HDAC4: variants seen among roughly 807,000 people sequenced by gnomAD.
HDAC4 encodes the protein histone deacetylase 4, also known as histone deacetylase A.
A neutral mutation model predicts 135.1 loss-of-function variants in HDAC4; 16 were observed. The ratio of observed to expected loss-of-function variants is 0.12; its 90% CI spans 0.08 to 0.18. The LOEUF (loss-of-function observed/expected upper bound fraction) is 0.18. Ranked by LOEUF, HDAC4 falls within the 10% of genes least tolerant of loss-of-function variation. The pLI is 1.00. For missense variants in HDAC4, 1,143 were observed against 1,511.8 expected, an observed-to-expected ratio of 0.76 and a Z score of 4.05; for synonymous variants, 685 against 653.4, an observed-to-expected ratio of 1.05 and a Z score of -0.74.
At chr2:239,178,302 G>A (rs371623400) in intron 4 of HDAC4, among the ~76,000 whole-genome samples, 6 of 152,210 alleles carry the variant, frequency 3.9e-5, no homozygotes, top group South Asian at 2.1e-4. Context: ...ATAGGGTCTC[G>A]CTCTGTTGCC....
At chr2:239,190,993 G>C (rs1051736214) in intron 3 of HDAC4, 1 of 465,484 alleles carries the variant, frequency 2.1e-6, no homozygotes, top group South Asian at 1.5e-5. Flanking sequence ...AGCCAGCACT[G>C]CTCCTGGCAC....
chr2:239,348,184 C>T (rs1204676402), intron 2 of HDAC4, among the ~76,000 whole-genome samples: 6 of 142,098 alleles, frequency 4.2e-5, no homozygotes, highest in African/African-American at 1.3e-4. Context: ...ATCGAGAGCA[C>T]CATCCCGCTG....
chr2:239,375,442 C>T (rs766216732), intron 1 of HDAC4, among the ~76,000 whole-genome samples: 1 of 152,192 alleles, frequency 6.6e-6, no homozygotes, highest in South Asian at 2.1e-4. Flanking sequence ...CCAACCCCAC[C>T]GTGAGGATGT....
In HDAC4 at chr2:239,052,724, G is replaced by C. The variant is rs2031050538; in HGVS notation, c.*373C>G. The C allele has an allele frequency of 6.4e-6, 2 of 310,196 alleles. No homozygotes were observed. Among genetic ancestry groups the C allele is most frequent in the African/African-American group, 2.1e-5 (1 of 47,276 alleles). The allele number at this position is 310,196 out of a possible 1,614,324, so 19.2% of individuals were successfully genotyped here. ...GTTTGTTTTGTATTATTAGATCTTT[G>C]ATATTTGTTTTCTGTGCCTCGTGTC... On this transcript the variant is annotated 3_prime_UTR_variant, in exon 27 of 27. Coordinates refer to ENST00000543185, the MANE Select transcript of HDAC4 (RefSeq NM_001378414.1).
At chr2:239,070,601 T>G (rs1477113823) in intron 22 of HDAC4, among the ~76,000 whole-genome samples, 1 of 152,186 alleles carries the variant, frequency 6.6e-6, no homozygotes, top group Non-Finnish European at 1.5e-5. Flanking sequence ...TCACTCCCTC[T>G]GTGGGTGAGG....
rs1041289530 is a variant in HDAC4, at chr2:239,331,304, G to A, written c.22+21374C>T. On this transcript the variant is annotated intron_variant, in intron 2 of 26. Coordinates refer to ENST00000543185, the MANE Select transcript of HDAC4 (RefSeq NM_001378414.1). This position sits in a 1 kb window ranked among gnomAD's most constrained non-coding sequence, Gnocchi z 4.5. ...GCCACGAGAAGGAGGCAGGATGGGG[G>A]AGGGAAGACAAGCAGGAAGGGGTGG... 6.6e-5 allele frequency among the ~76,000 whole-genome samples: 10 copies of A among 152,224 alleles called. No individual in the cohort carries two copies. The highest frequency in any genetic ancestry group is 1.5e-4 in the Non-Finnish European group (10 of 68,018).
chr2:239,160,209 A>T (rs2042704027), intron 6 of HDAC4, among the ~76,000 whole-genome samples: 1 of 152,242 alleles, frequency 6.6e-6, no homozygotes. Context: ...GTATTCGATT[A>T]AACCATTATA....
At chr2:239,275,159 GC>G in intron 2 of HDAC4, among the ~76,000 whole-genome samples, 1 of 126,912 alleles carries the variant, frequency 7.9e-6, no homozygotes, top group East Asian at 2.3e-4. Context: ...AAGGGTGGGG[GC>G]CGGCCGGAAG....
rs2030906732 is a variant in HDAC4, at chr2:239,051,876, A to G, written c.*1221T>C. ...ATATATATATATACTTTTTCTATAAATGCATTATAAATATTTTATCAAGAT... is the reference window on the plus strand; with the variant it reads ...ATATATATATATACTTTTTCTATAAGTGCATTATAAATATTTTATCAAGAT... On this transcript the variant is annotated 3_prime_UTR_variant, in exon 27 of 27. Transcript: ENST00000543185. 2 of 151,484 alleles carry G rather than the reference A, an allele frequency of 1.3e-5. No individual in the cohort carries two copies. The highest frequency in any genetic ancestry group is 2.9e-5 in the Non-Finnish European group (2 of 67,924). 9.4% of individuals were successfully genotyped at this position (151,484 alleles called of 1,614,324 possible).
chr2:239,169,093 T>C (rs1468099590), intron 5 of HDAC4, among the ~76,000 whole-genome samples: 1 of 152,232 alleles, frequency 6.6e-6, no homozygotes, highest in Non-Finnish European at 1.5e-5. Flanking sequence ...TGGTAAACTC[T>C]GAGGAAGTAA....
At chr2:239,359,583 TG>T (rs1207642290) in intron 1 of HDAC4, among the ~76,000 whole-genome samples, 1 of 151,492 alleles carries the variant, frequency 6.6e-6, no homozygotes, top group African/African-American at 2.4e-5. Context: ...AGCTGGGGGG[TG>T]GGGGCTCCAG....
intron 4 of HDAC4, among the ~76,000 whole-genome samples, chr2:239,177,533 G>C (rs2043851881): frequency 6.6e-6 from 1 of 152,242 alleles, no homozygotes; most frequent in African/African-American, 2.4e-5. Flanking sequence ...AGCGGGTGGA[G>C]TGTCCGACCT....
chr2:239,052,961 G>A lies in HDAC4; in HGVS notation c.*136C>T. ...CCTGGGCGGCAGAAAGGCTTCCCGT[G>A]GCTGTTGCACGCTGGGTGTCCCTGG... On this transcript the variant is annotated 3_prime_UTR_variant, in exon 27 of 27. Coordinates refer to ENST00000543185, the MANE Select transcript of HDAC4 (RefSeq NM_001378414.1). The A allele has an allele frequency of 9.9e-7, 1 of 1,014,574 alleles. No individual in the cohort carries two copies. The highest frequency in any genetic ancestry group is 1.3e-5 in the South Asian group (1 of 78,160). 62.8% of individuals were successfully genotyped at this position (1,014,574 alleles called of 1,614,324 possible). A position where few individuals can be genotyped will look rare whatever the true frequency, so the allele number is the denominator to read the frequency against.
rs977874360 is a variant in HDAC4 at position 239,400,617 on chromosome 2, G to A, written c.-220+361C>T. 5 of 146,572 alleles carry A rather than the reference G, an allele frequency of 3.4e-5. No homozygotes were observed. The highest frequency in any genetic ancestry group is 1.2e-4 in the African/African-American group (5 of 40,764). The allele number at this position is 146,572 out of a possible 1,614,324, so 9.1% of individuals were successfully genotyped here. A position where few individuals can be genotyped will look rare whatever the true frequency, so the allele number is the denominator to read the frequency against. On this transcript the variant is annotated intron_variant, in intron 1 of 26. Coordinates refer to ENST00000543185, the MANE Select transcript of HDAC4 (RefSeq NM_001378414.1). The surrounding 1 kb of genome is among the most constrained non-coding windows in gnomAD (Gnocchi z 4.7). ...GGCGTCCACCTGCCGCGGGCTCCAA[G>A]GCCTGCAGGCTGCGCGGGGCGCGGG...
At chr2:239,116,015 C>G (rs1559458012) in intron 12 of HDAC4, among the ~76,000 whole-genome samples, 1 of 152,176 alleles carries the variant, frequency 6.6e-6, no homozygotes, top group Admixed American at 6.5e-5. Flanking sequence ...TCCTGTGGGA[C>G]TCCCTAGATG....
In HDAC4 at chr2:239,052,644, T is replaced by C. The variant is rs1034746234; in HGVS notation, c.*453A>G. On this transcript the variant is annotated 3_prime_UTR_variant, in exon 27 of 27. Coordinates refer to ENST00000543185, the MANE Select transcript of HDAC4 (RefSeq NM_001378414.1). ...AAGCTACAAGATGAGTCGAGTGGTT[T>C]ACACAGAGACTGTGGAGTTGTGGGT... 41 of 213,912 alleles carry C rather than the reference T, an allele frequency of 1.9e-4. No homozygotes were observed. The highest frequency in any genetic ancestry group is 9.4e-4 in the African/African-American group (41 of 43,626). The allele number at this position is 213,912 out of a possible 1,614,324, so 13.3% of individuals were successfully genotyped here. A position where few individuals can be genotyped will look rare whatever the true frequency, so the allele number is the denominator to read the frequency against.
intron 3 of HDAC4, among the ~76,000 whole-genome samples, chr2:239,208,565 C>T (rs553794847): frequency 3.0e-4 from 46 of 152,054 alleles, no homozygotes; most frequent in African/African-American, 1.1e-3. Flanking sequence ...ATGGTGAATC[C>T]TGAAAAAGCT....
chr2:239,171,019 A>G (rs909893311), intron 5 of HDAC4, among the ~76,000 whole-genome samples: 5 of 152,230 alleles, frequency 3.3e-5, no homozygotes, highest in Non-Finnish European at 7.3e-5. Context: ...GATGCTTAAG[A>G]AACTTGGCCA....
At chr2:239,179,082 G>A (rs1416878537) in intron 4 of HDAC4, among the ~76,000 whole-genome samples, 2 of 151,640 alleles carry the variant, frequency 1.3e-5, no homozygotes, top group East Asian at 3.9e-4. Context: ...GCCACCGGAC[G>A]CCCGAGGCAT....
Sources: gnomAD v4.1 joint callset for allele counts (sites outside exome capture counted in the v4.1 genomes callset) on GRCh38, gnomAD v4.1.1 for gene constraint, Gnocchi (gnomAD v3.1) non-coding constraint, MANE v1.5 for transcripts, NCBI Gene and HGNC (gene_info 2026-07-23, HGNC 2026-07-21) for gene names.